The following PANK4 variants were observed in gnomAD, a reference collection of about 807,000 sequenced individuals.
PANK4 encodes the protein 4'-phosphopantetheine phosphatase.
Under a neutral mutation model 87.9 loss-of-function variants are expected in PANK4, and 40 were observed. That is an observed-to-expected ratio of 0.46 (90% CI 0.35 to 0.59). PANK4 has a LOEUF of 0.59. Ranked by LOEUF, PANK4 falls within the 20% of genes least tolerant of loss-of-function variation. PANK4 has a pLI of 0.00. For synonymous variants in PANK4, 524 were observed against 467.4 expected, an observed-to-expected ratio of 1.12 and a Z score of -1.56; for missense variants, 926 against 1,072.3, an observed-to-expected ratio of 0.86 and a Z score of 1.90.
rs201938696 is a variant in PANK4 at position 2,508,842 on chromosome 1, G to C, written c.*5C>G. 6.5e-7 allele frequency: 1 copy of C among 1,544,196 alleles called. No homozygotes were observed. The highest frequency in any genetic ancestry group is 2.3e-5 in the East Asian group (1 of 43,592). ...CAAGCAGAAGAGTCCGGCAGCTGCAGCGCCTCACTCGGCTGGGACCTCGTA... is the reference window on the plus strand; with the variant it reads ...CAAGCAGAAGAGTCCGGCAGCTGCACCGCCTCACTCGGCTGGGACCTCGTA... On this transcript the variant is annotated 3_prime_UTR_variant, in exon 19 of 19. Coordinates refer to ENST00000378466, the MANE Select transcript of PANK4 (RefSeq NM_018216.4). This position sits in a 1 kb window ranked among gnomAD's most constrained non-coding sequence, Gnocchi z 5.1.
intron 10 of PANK4, among the ~76,000 whole-genome samples, chr1:2,514,890 C>T (rs549426126): frequency 4.6e-5 from 7 of 152,100 alleles, no homozygotes; most frequent in South Asian, 2.1e-4. Flanking sequence ...AACCCGAGGC[C>T]AAGACCCACG....
rs1643755533 is a variant in PANK4, at chr1:2,515,567, C to T, written c.1369G>A (p.Asp457Asn). The T allele has an allele frequency of 6.2e-7, 1 of 1,612,618 alleles. No individual in the cohort carries two copies. Among genetic ancestry groups the T allele is most frequent in the Non-Finnish European group, 8.5e-7 (1 of 1,179,938 alleles). ...YWLTCFEEAL[D>N]GVVKRAVASQ... ...ACGGCACCCGGAGCCCTCACCCCGTCCAGGGCCTCCTCAAAGCAGGTGAGC... is the reference window on the plus strand; with the variant it reads ...ACGGCACCCGGAGCCCTCACCCCGTTCAGGGCCTCCTCAAAGCAGGTGAGC... The change falls in exon 10 of 19, where the codon GAC becomes AAC. Residue 457 changes from aspartate to asparagine, a missense_variant. By Grantham distance (23) the Asp-to-Asn change is conservative. Transcript: ENST00000378466. The surrounding 1 kb of genome is among the most constrained non-coding windows in gnomAD (Gnocchi z 5.0).
rs140699365 is a variant in PANK4 at position 2,521,219 on chromosome 1, C to T, written c.304G>A (p.Glu102Lys). 20 of 1,613,868 alleles carry T rather than the reference C, an allele frequency of 1.2e-5. No individual in the cohort carries two copies. The highest frequency in any genetic ancestry group is 4.5e-5 in the East Asian group (2 of 44,888). ...HFIKFENTYI[E>K]ACLDFIKDHL... ...TCTTTGATGAAGTCCAGGCAGGCTTCGATGTAGGTATTCTCAAACTTAATG... is the reference window on the plus strand; with the variant it reads ...TCTTTGATGAAGTCCAGGCAGGCTTTGATGTAGGTATTCTCAAACTTAATG... Residue 102 changes from glutamate (E) to lysine (K), a missense_variant, in exon 3 of 19, where the codon GAA becomes AAA. Physicochemically the swap from Glu to Lys is moderately conservative, Grantham distance 56. Transcript: ENST00000378466.
In PANK4 at chr1:2,521,324, C is replaced by T. The variant is rs1024991304; in HGVS notation, c.208-9G>A. On this transcript the variant is annotated splice_polypyrimidine_tract_variant and intron_variant, in intron 2 of 18. Coordinates refer to ENST00000378466, the MANE Select transcript of PANK4 (RefSeq NM_018216.4). ...TGTTCACGTTCTGTGTCCTGGAAAA[C>T]AGAGTAGGGGAGGCCGCATGTGTGT... 1.2e-6 allele frequency: 2 copies of T among 1,609,406 alleles called. No homozygotes were observed. The highest frequency in any genetic ancestry group is 1.3e-5 in the African/African-American group (1 of 74,848).
In PANK4 at chr1:2,515,197, CTGAG is replaced by C; in HGVS notation, c.1374+361_1374+364del. The C allele has an allele frequency of 2.3e-6, 1 of 432,422 alleles. No homozygotes were observed. 26.8% of individuals were successfully genotyped at this position (432,422 alleles called of 1,614,324 possible). A position where few individuals can be genotyped will look rare whatever the true frequency, so the allele number is the denominator to read the frequency against. ...TGGCCTCGCCGGGAGCTTGCTGGGGCTGAGTCTCACCCCACCCCCAGAGTCAGGG... is the reference window on the plus strand; with the variant it reads ...TGGCCTCGCCGGGAGCTTGCTGGGGCTCTCACCCCACCCCCAGAGTCAGGG... On this transcript the variant is annotated intron_variant, in intron 10 of 18. Coordinates refer to ENST00000378466, the MANE Select transcript of PANK4 (RefSeq NM_018216.4). The surrounding 1 kb of genome is among the most constrained non-coding windows in gnomAD (Gnocchi z 5.0).
At chr1:2,513,126 C>T in intron 12 of PANK4, 87 bp from the exon 13 acceptor site, 1 of 1,418,618 alleles carries the variant, frequency 7.0e-7, no homozygotes, top group South Asian at 1.3e-5. Flanking sequence ...TGTTCCATAC[C>T]ACGCCCCTCA....
At chr1:2,516,960 G>A (rs1279462623) in intron 9 of PANK4, among the ~76,000 whole-genome samples, 1 of 152,246 alleles carries the variant, frequency 6.6e-6, no homozygotes. Flanking sequence ...CTGCCTGGCA[G>A]GGCTGTGCCA....
At chr1:2,521,570 A>C in intron 2 of PANK4, 148 bp downstream of exon 2, 1 of 777,724 alleles carries the variant, frequency 1.3e-6, no homozygotes, top group Non-Finnish European at 2.3e-6. Context: ...GACACGGCGG[A>C]AGGCAGGGGA....
rs749580727 is a variant in PANK4 at position 2,510,651 on chromosome 1, G to A, written c.1938+27C>T. 2.2e-6 allele frequency: 3 copies of A among 1,360,286 alleles called. No individual in the cohort carries two copies. The highest frequency in any genetic ancestry group is 2.3e-5 in the South Asian group (2 of 85,674). 84.3% of individuals were successfully genotyped at this position (1,360,286 alleles called of 1,614,324 possible). A position where few individuals can be genotyped will look rare whatever the true frequency, so the allele number is the denominator to read the frequency against. On this transcript the variant is annotated intron_variant, in intron 16 of 18. Coordinates refer to ENST00000378466, the MANE Select transcript of PANK4 (RefSeq NM_018216.4). This position sits in a 1 kb window ranked among gnomAD's most constrained non-coding sequence, Gnocchi z 4.9. Reference sequence around the variant, plus strand: ...CGAGAGCAGAGAAGCCCAGGGGAAGGGCCCCACCCACCACCTCAACACTCA... The same window carrying A: ...CGAGAGCAGAGAAGCCCAGGGGAAGAGCCCCACCCACCACCTCAACACTCA...
At position 2,521,287 on chromosome 1, in the gene PANK4, T is replaced by C. The variant is rs752977257; in HGVS notation, c.236A>G (p.Tyr79Cys). Residue 79 changes from tyrosine to cysteine, a missense_variant, in exon 3 of 19, where the codon TAT becomes TGT. By Grantham distance (194) the Tyr-to-Cys change is radical. Transcript: ENST00000378466. ...KDTEREHEPPYEISVQEEITA... is the reference protein window; with the variant it reads ...KDTEREHEPPCEISVQEEITA... ...GATCTCTTCTTGAACTGAAATCTCA[T>C]AGGGCGGCTCATGTTCACGTTCTGT... 3 of 1,613,858 alleles carry C rather than the reference T, an allele frequency of 1.9e-6. No individual in the cohort carries two copies. Among genetic ancestry groups the C allele is most frequent in the Non-Finnish European group, 2.5e-6 (3 of 1,179,956 alleles).
chr1:2,510,176 G>T lies in PANK4; in HGVS notation c.1939-19C>A. The T allele has an allele frequency of 6.0e-6, 9 of 1,500,816 alleles. No homozygotes were observed. The highest frequency in any genetic ancestry group is 1.4e-5 in the African/African-American group (1 of 72,318). 93.0% of individuals were successfully genotyped at this position (1,500,816 alleles called of 1,614,324 possible). A position where few individuals can be genotyped will look rare whatever the true frequency, so the allele number is the denominator to read the frequency against. On this transcript the variant is annotated intron_variant, in intron 16 of 18. Coordinates refer to ENST00000378466, the MANE Select transcript of PANK4 (RefSeq NM_018216.4). The surrounding 1 kb of genome is among the most constrained non-coding windows in gnomAD (Gnocchi z 4.9). ...GGATGACCTGCAGGAGGAGGGCCCA[G>T]GCTCTTTAGGAACCTGTGCTGGCCC...
At position 2,519,272 on chromosome 1, in the gene PANK4, G is replaced by A; in HGVS notation, c.906C>T (p.Asp302=). Residue 302 remains aspartate (D), a synonymous_variant, in exon 7 of 19, where the codon GAC becomes GAT. Coordinates refer to ENST00000378466, the MANE Select transcript of PANK4 (RefSeq NM_018216.4). The surrounding 1 kb of genome is among the most constrained non-coding windows in gnomAD (Gnocchi z 8.3). ...AKSLLHMISN[D]IGQLACLHAR... is the part of the protein sequence containing the mutation. ...CGTGGAGGCAGGCCAGCTGCCCAAT[G>A]TCGTTGCTGATCATGTGCAGCAGGC... 6.2e-7 allele frequency: 1 copy of A among 1,612,378 alleles called. No individual in the cohort carries two copies. The highest frequency in any genetic ancestry group is 8.5e-7 in the Non-Finnish European group (1 of 1,179,646).
At chr1:2,516,533 C>G (rs912143246) in intron 9 of PANK4, among the ~76,000 whole-genome samples, 1 of 152,200 alleles carries the variant, frequency 6.6e-6, no homozygotes, top group Non-Finnish European at 1.5e-5. Flanking sequence ...TGTAGCTGAC[C>G]GCCTCTTCCC....
chr1:2,509,959 C>G lies in PANK4; in HGVS notation c.2040-29G>C. 2 of 1,600,572 alleles carry G rather than the reference C, an allele frequency of 1.2e-6. No individual in the cohort carries two copies. The highest frequency in any genetic ancestry group is 2.2e-5 in the South Asian group (2 of 89,458). ...CCAGATACAAGGTGGTCAGTGCCCC[C>G]AGGAGCTCCCAGTTCAGTGACAATC... On this transcript the variant is annotated intron_variant, in intron 17 of 18. Transcript: ENST00000378466. This position sits in a 1 kb window ranked among gnomAD's most constrained non-coding sequence, Gnocchi z 4.9.
At chr1:2,524,973 C>T (rs1423792087) in intron 1 of PANK4, among the ~76,000 whole-genome samples, 2 of 152,164 alleles carry the variant, frequency 1.3e-5, no homozygotes, top group African/African-American at 2.4e-5. Flanking sequence ...GTCCTATCAG[C>T]GGTCCCTAAA....
chr1:2,514,370 G>A lies in PANK4; in HGVS notation c.1471C>T (p.Leu491=), dbSNP rs745512382. The change falls in exon 11 of 19, where the codon CTG becomes TTG. Residue 491 remains leucine, a synonymous_variant. Coordinates refer to ENST00000378466, the MANE Select transcript of PANK4 (RefSeq NM_018216.4). ...RQKYWNKLQT[L]RQQPFAYGTL... Reference sequence around the variant, plus strand: ...GGCACTTACAAGGGCTGCTGCCTCAGGGTCTGAAGCTTGTTCCAGTACTTC... The same window carrying A: ...GGCACTTACAAGGGCTGCTGCCTCAAGGTCTGAAGCTTGTTCCAGTACTTC... 57 of 1,612,044 alleles carry A rather than the reference G, an allele frequency of 3.5e-5. No individual in the cohort carries two copies. The highest frequency in any genetic ancestry group is 6.7e-5 in the East Asian group (3 of 44,864).
Position 2,514,366 on chromosome 1 carries a change from C to T in PANK4, c.1475G>A (p.Arg492Lys), listed in dbSNP as rs1171995978. 1 of 1,611,710 alleles carries T rather than the reference C, an allele frequency of 6.2e-7. No individual in the cohort carries two copies. Among genetic ancestry groups the T allele is most frequent in the Non-Finnish European group, 8.5e-7 (1 of 1,179,026 alleles). The stretch of plus-strand genomic sequence containing the variant: ...GCTGGGCACTTACAAGGGCTGCTGC[C>T]TCAGGGTCTGAAGCTTGTTCCAGTA... ...QKYWNKLQTL[R>K]QQPFAYGTLT... Residue 492 changes from arginine to lysine, a missense_variant, in exon 11 of 19, where the codon AGG (arginine) becomes AAG (lysine). Coordinates refer to ENST00000378466, the MANE Select transcript of PANK4 (RefSeq NM_018216.4).
intron 1 of PANK4, among the ~76,000 whole-genome samples, chr1:2,522,403 C>T (rs1643882385): frequency 6.6e-6 from 1 of 152,178 alleles, no homozygotes; most frequent in Non-Finnish European, 1.5e-5. Flanking sequence ...TCCGTTTCCC[C>T]ACAGGCCAAA....
chr1:2,510,609 A>T lies in PANK4; in HGVS notation c.1938+69T>A. ...GCCCCGACCACCGCCAGAGGCCCAC[A>T]GCGGCGCCAACCCCACCGAGAGCAG... On this transcript the variant is annotated intron_variant, in intron 16 of 18. Transcript: ENST00000378466. This position sits in a 1 kb window ranked among gnomAD's most constrained non-coding sequence, Gnocchi z 4.9. The T allele has an allele frequency of 1.1e-6, 1 of 920,642 alleles. No homozygotes were observed. The highest frequency in any genetic ancestry group is 1.8e-6 in the Non-Finnish European group (1 of 567,272). 57.0% of individuals were successfully genotyped at this position (920,642 alleles called of 1,614,324 possible). A position where few individuals can be genotyped will look rare whatever the true frequency, so the allele number is the denominator to read the frequency against.
Sources: gnomAD v4.1 joint callset for allele counts (sites outside exome capture counted in the v4.1 genomes callset) on GRCh38, gnomAD v4.1.1 for gene constraint, Gnocchi (gnomAD v3.1) non-coding constraint, MANE v1.5 for transcripts, NCBI Gene and HGNC (gene_info 2026-07-23, HGNC 2026-07-21) for gene names.